The following ZNF331 variants were observed in gnomAD, a reference collection of about 807,000 sequenced individuals.
The protein encoded by ZNF331 is C2H2-like zinc finger protein rearranged in thyroid adenomas.
ZNF331 carries 2 observed loss-of-function variants against 7.0 expected under a neutral mutation model. The observed-to-expected ratio is 0.29, with a 90% CI of 0.12 to 0.90. The LOEUF (loss-of-function observed/expected upper bound fraction) is 0.90. ZNF331 is among the 40% of genes least tolerant of loss of function. The probability of loss-of-function intolerance (pLI) is 0.58; values close to 1 mark genes in which losing one functional copy is unlikely to be tolerated. For missense variants in ZNF331, 432 were observed against 587.7 expected, an observed-to-expected ratio of 0.74 and a Z score of 2.74; for synonymous variants, 196 against 205.4, an observed-to-expected ratio of 0.95 and a Z score of 0.39.
At chr19:53,559,441 CAT>C (rs1341323196) in intron 3 of ZNF331, among the ~76,000 whole-genome samples, 5 of 148,128 alleles carry the variant, frequency 3.4e-5, no homozygotes, top group African/African-American at 1.3e-4. Context: ...ACCATATATA[CAT>C]ATATACACAC....
rs1375329188 is a variant in ZNF331 at position 53,577,598 on chromosome 19, G to A, written c.1038G>A (p.Glu346=). 3 of 1,614,040 alleles carry A rather than the reference G, an allele frequency of 1.9e-6. No homozygotes were observed. Among genetic ancestry groups the A allele is most frequent in the African/African-American group, 2.7e-5 (2 of 74,928 alleles). ...FRWGSSLVKH[E]RIHTGEKPYK... ...GGGGTTCGAGCCTCGTTAAGCACGAGAGGATACATACGGGCGAGAAGCCGT... is the reference window on the plus strand; with the variant it reads ...GGGGTTCGAGCCTCGTTAAGCACGAAAGGATACATACGGGCGAGAAGCCGT... Residue 346 remains glutamate, a synonymous_variant, in exon 6 of 6, where the codon GAG becomes GAA. Transcript: ENST00000449416.
At chr19:53,543,354 T>A (rs1433206260) in intron 2 of ZNF331, among the ~76,000 whole-genome samples, 1 of 152,054 alleles carries the variant, frequency 6.6e-6, no homozygotes, top group Non-Finnish European at 1.5e-5. Context: ...ACCTCCACCT[T>A]CCAGTTCAAG....
the ZNF331 span, among the ~76,000 whole-genome samples, chr19:53,507,832 G>A: frequency 6.6e-6 from 1 of 152,092 alleles, no homozygotes; most frequent in Non-Finnish European, 1.5e-5. Flanking sequence ...AATGCCATCT[G>A]TACTAAAAAT....
intron 4 of ZNF331, among the ~76,000 whole-genome samples, chr19:53,570,618 T>C (rs9783940): frequency 0.74 from 112,117 of 151,532 alleles, 42,042 homozygotes; most frequent in African/African-American, 0.86. Context: ...CCTCAACCTC[T>C]GCCTCGCGGG....
Position 53,548,165 on chromosome 19 carries a change from G to A in ZNF331, c.-137-7680G>A, listed in dbSNP as rs190453088. ...CCTCTGTCACCCAGGCTGGAGTGCA[G>A]TGGCGTGATCTCGGCTCACTGCAAC... On this transcript the variant is annotated intron_variant, in intron 2 of 5. Transcript: ENST00000449416. Among the ~76,000 whole-genome samples the A allele has an allele frequency of 3.3e-3, 502 of 151,918 alleles. 3 individuals carry two copies. Among genetic ancestry groups the A allele is most frequent in the Middle Eastern group, 0.014 (4 of 294 alleles).
intron 1 of ZNF331, chr19:53,538,726 A>T (rs3746306): frequency 0.066 from 10,083 of 153,116 alleles, 353 homozygotes; most frequent in East Asian, 0.14. Flanking sequence ...GTGTGTGACA[A>T]CACAACCTGT....
chr19:53,571,730 G>T lies in ZNF331; in HGVS notation c.136G>T (p.Asp46Tyr), dbSNP rs780869368. 27 of 1,609,488 alleles carry T rather than the reference G, an allele frequency of 1.7e-5. No homozygotes were observed. The highest frequency in any genetic ancestry group is 2.2e-5 in the Non-Finnish European group (26 of 1,177,750). ...GAACTACAGTAACTTGGTCTCACTG[G>T]GTGAGTTGCACGCCTCAGATAACTT... Reference protein sequence around the residue: ...LENYSNLVSLDLESAYENKSL... With the variant: ...LENYSNLVSLYLESAYENKSL... Residue 46 changes from aspartate (D) to tyrosine (Y), a missense_variant and splice_region_variant, in exon 5 of 6, where the codon GAT (aspartate) becomes TAT (tyrosine). By Grantham distance (160) the Asp-to-Tyr change is radical. Coordinates refer to ENST00000449416, the MANE Select transcript of ZNF331 (RefSeq NM_001079906.2). The surrounding 1 kb of genome is among the most constrained non-coding windows in gnomAD (Gnocchi z 4.7).
Position 53,578,539 on chromosome 19 carries a change from C to T in ZNF331, c.*587C>T, listed in dbSNP as rs985393735. On this transcript the variant is annotated 3_prime_UTR_variant, in exon 6 of 6. Transcript: ENST00000449416. ...TTACTGTTGGTAATCTCTTACTGTG[C>T]CTAATTTATAAATTAAACTTTAGAT... The T allele has an allele frequency of 2.8e-5, 6 of 216,014 alleles. No individual in the cohort carries two copies. The highest frequency in any genetic ancestry group is 1.4e-4 in the African/African-American group (6 of 44,262). The allele number at this position is 216,014 out of a possible 1,614,324, so 13.4% of individuals were successfully genotyped here. A position where few individuals can be genotyped will look rare whatever the true frequency, so the allele number is the denominator to read the frequency against.
intron 4 of ZNF331, 106 bp downstream of exon 4, chr19:53,569,491 C>T: frequency 7.4e-7 from 1 of 1,344,930 alleles, no homozygotes; most frequent in South Asian, 1.2e-5. Flanking sequence ...TTTATAATTA[C>T]CTGTTTCCCA....
At chr19:53,554,539 A>C (rs2089242508) in intron 2 of ZNF331, 1 of 152,094 alleles carries the variant, frequency 6.6e-6, no homozygotes, top group Non-Finnish European at 1.5e-5. Context: ...CGACTGTGTG[A>C]CGCACTTGCG....
At chr19:53,555,171 G>C (rs948748093) in intron 2 of ZNF331, 8 of 149,388 alleles carry the variant, frequency 5.4e-5, no homozygotes, top group African/African-American at 2.0e-4. Flanking sequence ...ATGGGTGATC[G>C]GGCCTTCTGG....
At chr19:53,514,575 G>A (rs139269450), upstream of ZNF331, among the ~76,000 whole-genome samples, 1,658 of 151,708 alleles carry the variant, frequency 0.011, 30 homozygotes, top group African/African-American at 0.037. Flanking sequence ...CTTCAATGAC[G>A]TCCAATGTCT....
At chr19:53,543,087 G>T (rs1234045468) in intron 2 of ZNF331, among the ~76,000 whole-genome samples, 1 of 152,084 alleles carries the variant, frequency 6.6e-6, no homozygotes, top group Non-Finnish European at 1.5e-5. Context: ...GGGATTACAG[G>T]CATGAGCCAC....
chr19:53,563,025 G>A (rs1200471445), intron 3 of ZNF331, among the ~76,000 whole-genome samples: 1 of 151,892 alleles, frequency 6.6e-6, no homozygotes, highest in Non-Finnish European at 1.5e-5. Context: ...TCACCCTCTT[G>A]CTAATGTTTG....
At chr19:53,514,489 C>G in the ZNF331 span, among the ~76,000 whole-genome samples, 4 of 152,156 alleles carry the variant, frequency 2.6e-5, no homozygotes, top group Non-Finnish European at 5.9e-5. Flanking sequence ...GCGTGAGCCA[C>G]CGCGCCTAGC....
At chr19:53,568,764 A>G (rs1322669478) in intron 3 of ZNF331, among the ~76,000 whole-genome samples, 1 of 151,892 alleles carries the variant, frequency 6.6e-6, no homozygotes, top group Non-Finnish European at 1.5e-5. Context: ...GCAAAAAAAA[A>G]AAAAAGTAAA....
Position 53,573,704 on chromosome 19 carries a change from A to C in ZNF331, c.136+1974A>C, listed in dbSNP as rs2090571786. ...AGCTGATCTTGAACTCCTGGGCTAA[A>C]GGAATCCACCCACCTCAGCCTTCCA... On this transcript the variant is annotated intron_variant, in intron 5 of 5. Coordinates refer to ENST00000449416, the MANE Select transcript of ZNF331 (RefSeq NM_001079906.2). The surrounding 1 kb of genome is among the most constrained non-coding windows in gnomAD (Gnocchi z 4.2). Among the ~76,000 whole-genome samples, 1 of 152,106 alleles carries C rather than the reference A, an allele frequency of 6.6e-6. No homozygotes were observed. The highest frequency in any genetic ancestry group is 1.5e-5 in the Non-Finnish European group (1 of 68,010).
intron 2 of ZNF331, among the ~76,000 whole-genome samples, chr19:53,544,260 A>G (rs540095496): frequency 1.2e-4 from 17 of 141,544 alleles, no homozygotes; most frequent in African/African-American, 4.2e-4. Flanking sequence ...AATCGATATT[A>G]TTAGGCCGGG....
chr19:53,545,402 G>C (rs8102653), intron 2 of ZNF331, among the ~76,000 whole-genome samples: 1 of 152,120 alleles, frequency 6.6e-6, no homozygotes, highest in Non-Finnish European at 1.5e-5. Flanking sequence ...AAGGGGCACC[G>C]AACAGCAGCT....
Sources: allele counts gnomAD v4.1 joint callset (sites outside exome capture counted in the v4.1 genomes callset), GRCh38; gene constraint gnomAD v4.1.1; non-coding constraint Gnocchi (gnomAD v3.1); transcripts MANE v1.5; gene names NCBI Gene and HGNC (gene_info 2026-07-23, HGNC 2026-07-21).